SLC16A7: variants seen among roughly 807,000 people sequenced by gnomAD.
SLC16A7 encodes the protein solute carrier family 16 member 7.
In SLC16A7, 33 loss-of-function variants were observed where a neutral mutation model predicts 34.9. The observed-to-expected ratio is 0.94, with a 90% CI of 0.72 to 1.26. The LOEUF is 1.26. Ranked by LOEUF, SLC16A7 falls within the 50% of genes most tolerant of loss-of-function variation. SLC16A7 has a pLI of 0.00. For synonymous variants in SLC16A7, 201 were observed against 206.6 expected (o/e 0.97, Z 0.23); for missense variants, 573 against 578.1 (o/e 0.99, Z 0.09).
chr12:59,640,567 A>G (rs1049688258), intron 1 of SLC16A7, among the ~76,000 whole-genome samples: 1 of 152,104 alleles, frequency 6.6e-6, no homozygotes, highest in Non-Finnish European at 1.5e-5. Flanking sequence ...AATTCTGTCT[A>G]TCCAGATAAC....
At chr12:59,602,572 C>G (rs887012833) in intron 1 of SLC16A7, among the ~76,000 whole-genome samples, 1 of 150,856 alleles carries the variant, frequency 6.6e-6, no homozygotes, top group Non-Finnish European at 1.5e-5. Flanking sequence ...CAACCACCAC[C>G]TCCTGAGTTC....
At chr12:59,751,791 C>A (rs1879604161) in intron 3 of SLC16A7, among the ~76,000 whole-genome samples, 1 of 152,228 alleles carries the variant, frequency 6.6e-6, no homozygotes, top group Admixed American at 6.5e-5. Context: ...TGAGATTGGG[C>A]AGACTGCCTC....
intron 2 of SLC16A7, among the ~76,000 whole-genome samples, chr12:59,701,268 T>G (rs1047707414): frequency 6.6e-6 from 1 of 151,706 alleles, no homozygotes; most frequent in African/African-American, 2.4e-5. Flanking sequence ...TATTAACCTG[T>G]TTTTACAGAT....
intron 3 of SLC16A7, among the ~76,000 whole-genome samples, chr12:59,745,278 A>G (rs1338376454): frequency 6.6e-6 from 1 of 152,184 alleles, no homozygotes; most frequent in Non-Finnish European, 1.5e-5. Flanking sequence ...TATTCACTCA[A>G]ATGAGTTTAG....
rs1199069717 is a variant in SLC16A7, at chr12:59,783,644, T to C, written c.*3965T>C. 3 of 151,000 alleles carry C rather than the reference T, an allele frequency of 2.0e-5. No individual in the cohort carries two copies. The highest frequency in any genetic ancestry group is 3.9e-4 in the East Asian group (2 of 5,174). The allele number at this position is 151,000 out of a possible 1,614,324, so 9.4% of individuals were successfully genotyped here. A position where few individuals can be genotyped will look rare whatever the true frequency, so the allele number is the denominator to read the frequency against. ...CTAGAACCTGAATATGTAATTTCTT[T>C]CTTTCTTTCTTTTTTTTTTTTTTTG... On this transcript the variant is annotated 3_prime_UTR_variant, in exon 6 of 6. Coordinates refer to ENST00000547379, the MANE Select transcript of SLC16A7 (RefSeq NM_001270623.2).
chr12:59,661,854 C>T (rs1693613), intron 2 of SLC16A7, among the ~76,000 whole-genome samples: 7,773 of 152,008 alleles, frequency 0.051, 655 homozygotes, highest in African/African-American at 0.17. Flanking sequence ...AAAGTGTTGC[C>T]TTTTTACATT....
intron 2 of SLC16A7, among the ~76,000 whole-genome samples, chr12:59,704,336 G>T (rs1023965367): frequency 6.6e-6 from 1 of 152,030 alleles, no homozygotes; most frequent in African/African-American, 2.4e-5. Flanking sequence ...AAAAGGCTTT[G>T]CATCCATCAT....
At chr12:59,648,446 C>G (rs997335712) in intron 1 of SLC16A7, among the ~76,000 whole-genome samples, 1 of 152,176 alleles carries the variant, frequency 6.6e-6, no homozygotes, top group Non-Finnish European at 1.5e-5. Context: ...GTACTTAGTA[C>G]GTTATATACG....
At chr12:59,606,377 C>T (rs903464802) in intron 1 of SLC16A7, among the ~76,000 whole-genome samples, 36 of 152,166 alleles carry the variant, frequency 2.4e-4, no homozygotes, top group African/African-American at 7.2e-4. Flanking sequence ...CATAAACACA[C>T]GTAAAAACTA....
At chr12:59,731,097 T>C (rs1264284783) in intron 3 of SLC16A7, among the ~76,000 whole-genome samples, 2 of 152,198 alleles carry the variant, frequency 1.3e-5, no homozygotes, top group African/African-American at 4.8e-5. Context: ...ACCTAATAAA[T>C]GGTAAATATT....
chr12:59,685,517 A>G (rs1871085333), intron 2 of SLC16A7, among the ~76,000 whole-genome samples: 1 of 152,154 alleles, frequency 6.6e-6, no homozygotes, highest in Non-Finnish European at 1.5e-5. Flanking sequence ...GTAAATAGTC[A>G]ACTATTATGC....
chr12:59,633,109 T>TA (rs1277911827), intron 1 of SLC16A7, among the ~76,000 whole-genome samples: 2 of 152,026 alleles, frequency 1.3e-5, no homozygotes, highest in Non-Finnish European at 2.9e-5. Context: ...CTGATCCTTG[T>TA]AAAAATTCTT....
At chr12:59,598,152 C>T (rs1878511527) in intron 1 of SLC16A7, among the ~76,000 whole-genome samples, 1 of 152,206 alleles carries the variant, frequency 6.6e-6, no homozygotes, top group Non-Finnish European at 1.5e-5. Flanking sequence ...ATCCACCAAA[C>T]ATTTTTGAGA....
chr12:59,612,301 GC>G (rs1322138148), intron 1 of SLC16A7, among the ~76,000 whole-genome samples: 2 of 152,170 alleles, frequency 1.3e-5, no homozygotes, highest in South Asian at 2.1e-4. Flanking sequence ...CTTGGGGCTC[GC>G]CCTATCTAAA....
At chr12:59,694,629 A>G (rs966445409) in intron 2 of SLC16A7, among the ~76,000 whole-genome samples, 5 of 151,964 alleles carry the variant, frequency 3.3e-5, no homozygotes, top group East Asian at 3.9e-4. Context: ...TCTAAGATCT[A>G]TTCATCTTGC....
intron 2 of SLC16A7, chr12:59,696,472 A>T (rs1298357359): frequency 6.6e-6 from 1 of 152,062 alleles, no homozygotes; most frequent in African/African-American, 2.4e-5. Flanking sequence ...ACTAGGCTTA[A>T]AGATTCCACA....
At chr12:59,608,924 T>C (rs947268866) in intron 1 of SLC16A7, among the ~76,000 whole-genome samples, 2 of 152,198 alleles carry the variant, frequency 1.3e-5, no homozygotes, top group African/African-American at 2.4e-5. Context: ...TTATGACTGT[T>C]CATTGGGATA....
At chr12:59,775,889 G>A (rs1289860394) in intron 5 of SLC16A7, among the ~76,000 whole-genome samples, 1 of 152,066 alleles carries the variant, frequency 6.6e-6, no homozygotes, top group African/African-American at 2.4e-5. Context: ...CTATTTTTTA[G>A]TTGAGTACAT....
intron 1 of SLC16A7, among the ~76,000 whole-genome samples, chr12:59,642,396 T>C (rs1880725903): frequency 6.6e-6 from 1 of 152,062 alleles, no homozygotes; most frequent in East Asian, 1.9e-4. Flanking sequence ...CACATATTTA[T>C]TTCGCTTACC....
Sources: allele counts gnomAD v4.1 joint callset (sites outside exome capture counted in the v4.1 genomes callset), GRCh38; gene constraint gnomAD v4.1.1; transcripts MANE v1.5; gene names NCBI Gene and HGNC (gene_info 2026-07-23, HGNC 2026-07-21).